The following CADM4 variants were observed in gnomAD, a reference collection of about 807,000 sequenced individuals.
The protein encoded by CADM4 is cell adhesion molecule 4.
Under a neutral mutation model 43.9 loss-of-function variants are expected in CADM4, and 13 were observed. That is an observed-to-expected ratio of 0.30 (90% confidence interval 0.19 to 0.47). The LOEUF (loss-of-function observed/expected upper bound fraction) is 0.47. Among genes scored for constraint, CADM4 ranks in the 20% least tolerant of loss-of-function variants. CADM4 has a pLI of 1.00. For synonymous variants in CADM4, 209 were observed against 220.9 expected (o/e 0.95, Z 0.48); for missense variants, 420 against 527.0 (o/e 0.80, Z 1.99).
At chr19:43,631,896 G>A (rs529055399) in intron 1 of CADM4, among the ~76,000 whole-genome samples, 2 of 152,076 alleles carry the variant, frequency 1.3e-5, no homozygotes, top group South Asian at 4.2e-4. Context: ...TAACGCTTTG[G>A]GTATTTTTAT....
intron 7 of CADM4, chr19:43,624,689 A>G (rs1030546480): frequency 3.7e-6 from 1 of 271,282 alleles, no homozygotes; most frequent in Admixed American, 5.0e-5. Flanking sequence ...CACCTTGTCT[A>G]AAACGCTCCA....
At position 43,625,228 on chromosome 19, in the gene CADM4, G is replaced by C; in HGVS notation, c.778C>G (p.Arg260Gly). Residue 260 changes from arginine to glycine, a missense_variant, in exon 7 of 9, where the codon CGC becomes GGC. Physicochemically the swap from Arg to Gly is moderately radical, Grantham distance 125 (BLOSUM62 -2). Transcript: ENST00000222374. The surrounding 1 kb of genome is among the most constrained non-coding windows in gnomAD (Gnocchi z 4.5). ...CTCTCCGGCAAAGACTCATTCCCGC[G>C]GTTCCAGCGGATCTGGTTTGGCCTG... ...NPRPNQIRWN[R>G]GNESLPERAE... is the part of the protein sequence containing the mutation. The C allele has an allele frequency of 6.2e-7, 1 of 1,614,132 alleles. No individual in the cohort carries two copies. The highest frequency in any genetic ancestry group is 8.5e-7 in the Non-Finnish European group (1 of 1,179,988).
In CADM4 at chr19:43,627,502, A is replaced by ACCAGCAGT; in HGVS notation, c.211+134_211+141dup. 8.3e-7 allele frequency: 1 copy of ACCAGCAGT among 1,206,496 alleles called. No homozygotes were observed. The highest frequency in any genetic ancestry group is 2.9e-4 in the Middle Eastern group (1 of 3,488). The allele number at this position is 1,206,496 out of a possible 1,614,324, so 74.7% of individuals were successfully genotyped here. On this transcript the variant is annotated intron_variant, in intron 2 of 8. Transcript: ENST00000222374. The surrounding 1 kb of genome is among the most constrained non-coding windows in gnomAD (Gnocchi z 4.0). The stretch of plus-strand genomic sequence containing the variant: ...TTATTCAAGTCCTCCTGCCTGCAGG[A>ACCAGCAGT]CCAGCAGTCCGGGACCCCAGCCCTT...
chr19:43,633,465 CTGTT>C lies in CADM4; in HGVS notation c.65-5679_65-5676del, dbSNP rs1372396944. On this transcript the variant is annotated intron_variant, in intron 1 of 8. Transcript: ENST00000222374. ...ATTAATTTGCTTATTTGTTTACTGTCTGTTTGTCACCCATGACTGGAATGTATAC... is the reference window on the plus strand; with the variant it reads ...ATTAATTTGCTTATTTGTTTACTGTCTGTCACCCATGACTGGAATGTATAC... Among the ~76,000 whole-genome samples the C allele has an allele frequency of 5.3e-5, 8 of 152,144 alleles. No individual in the cohort carries two copies. The East Asian group carries it at 5.8e-4, about 11-fold the overall frequency.
intron 1 of CADM4, among the ~76,000 whole-genome samples, chr19:43,639,253 TA>T (rs1471230305): frequency 7.0e-6 from 1 of 142,638 alleles, no homozygotes; most frequent in East Asian, 2.1e-4. Flanking sequence ...GGGACAGAGG[TA>T]GGGGACAAAG....
chr19:43,625,360 A>G lies in CADM4; in HGVS notation c.756-110T>C. On this transcript the variant is annotated intron_variant, in intron 6 of 8. Coordinates refer to ENST00000222374, the MANE Select transcript of CADM4 (RefSeq NM_145296.2). This position sits in a 1 kb window ranked among gnomAD's most constrained non-coding sequence, Gnocchi z 4.5. ...TCTCATCCCGCAGGGACCTCCAAAT[A>G]AGAGGCTTCCTGCTATCTCTTTCCT... 9.3e-7 allele frequency: 1 copy of G among 1,080,096 alleles called. No individual in the cohort carries two copies. Among genetic ancestry groups the G allele is most frequent in the Non-Finnish European group, 1.3e-6 (1 of 766,802 alleles). The allele number at this position is 1,080,096 out of a possible 1,614,324, so 66.9% of individuals were successfully genotyped here. A position where few individuals can be genotyped will look rare whatever the true frequency, so the allele number is the denominator to read the frequency against.
At position 43,625,777 on chromosome 19, in the gene CADM4, A is replaced by G; in HGVS notation, c.755+134T>C. On this transcript the variant is annotated intron_variant, in intron 6 of 8. Transcript: ENST00000222374. The surrounding 1 kb of genome is among the most constrained non-coding windows in gnomAD (Gnocchi z 4.5). ...TCTCCTCCTCAGGACCCAGGAATCCAGGTCCTAGCTCCCTGTTTGTCCAGG... is the reference window on the plus strand; with the variant it reads ...TCTCCTCCTCAGGACCCAGGAATCCGGGTCCTAGCTCCCTGTTTGTCCAGG... 1 of 698,484 alleles carries G rather than the reference A, an allele frequency of 1.4e-6. No homozygotes were observed. Among genetic ancestry groups the G allele is most frequent in the Non-Finnish European group, 2.4e-6 (1 of 413,446 alleles). 43.3% of individuals were successfully genotyped at this position (698,484 alleles called of 1,614,324 possible). A position where few individuals can be genotyped will look rare whatever the true frequency, so the allele number is the denominator to read the frequency against.
chr19:43,627,273 C>T lies in CADM4; in HGVS notation c.257G>A (p.Arg86Gln), dbSNP rs771300851. 7 of 1,610,514 alleles carry T rather than the reference C, an allele frequency of 4.3e-6. No individual in the cohort carries two copies. The highest frequency in any genetic ancestry group is 2.2e-5 in the East Asian group (1 of 44,812). ...GGCATCTGAGAGCCGGATCCGCACC[C>T]GGCGTGGGGAGAACTCCTCAAGCTG... ...RFQLEEFSPR[R>Q]VRIRLSDARL... Residue 86 changes from arginine (R) to glutamine (Q), a missense_variant, in exon 3 of 9, where the codon CGG (arginine) becomes CAG (glutamine). By Grantham distance (43) the Arg-to-Gln change is conservative. Coordinates refer to ENST00000222374, the MANE Select transcript of CADM4 (RefSeq NM_145296.2). The surrounding 1 kb of genome is among the most constrained non-coding windows in gnomAD (Gnocchi z 4.0).
Position 43,623,178 on chromosome 19 carries a change from C to T in CADM4, c.*152G>A. The T allele has an allele frequency of 6.1e-6, 4 of 650,888 alleles. No individual in the cohort carries two copies. In the South Asian group the frequency reaches 6.9e-5, roughly 11 times the overall value. The allele number at this position is 650,888 out of a possible 1,614,324, so 40.3% of individuals were successfully genotyped here. On this transcript the variant is annotated 3_prime_UTR_variant, in exon 9 of 9. Coordinates refer to ENST00000222374, the MANE Select transcript of CADM4 (RefSeq NM_145296.2). The surrounding 1 kb of genome is among the most constrained non-coding windows in gnomAD (Gnocchi z 4.4). ...CTTACAGAGATCCAGGCATCCAACA[C>T]CCCCATCCCTGCCCAAGCGTCTGAG... is the stretch of plus-strand genomic sequence containing the variant.
At chr19:43,635,611 A>G (rs1165948682) in intron 1 of CADM4, among the ~76,000 whole-genome samples, 1 of 151,344 alleles carries the variant, frequency 6.6e-6, no homozygotes, top group Non-Finnish European at 1.5e-5. Flanking sequence ...CTCCTCTCTT[A>G]AACCCAGGGG....
intron 1 of CADM4, among the ~76,000 whole-genome samples, chr19:43,634,845 A>G (rs76416090): frequency 0.018 from 2,734 of 151,136 alleles, 30 homozygotes; most frequent in Non-Finnish European, 0.028. Context: ...CTCCTCCATC[A>G]GGTTCCAGGA....
Position 43,627,088 on chromosome 19 carries a change from G to T in CADM4, c.364+78C>A. ...CATCCAGGATGTTAAAAATAGCCATGGTCTGAAAGTCTCAGGAGAAGAGAG... is the reference window on the plus strand; with the variant it reads ...CATCCAGGATGTTAAAAATAGCCATTGTCTGAAAGTCTCAGGAGAAGAGAG... On this transcript the variant is annotated intron_variant, in intron 3 of 8. Transcript: ENST00000222374. This position sits in a 1 kb window ranked among gnomAD's most constrained non-coding sequence, Gnocchi z 4.0. 1.3e-6 allele frequency: 2 copies of T among 1,500,492 alleles called. No individual in the cohort carries two copies. The highest frequency in any genetic ancestry group is 1.8e-6 in the Non-Finnish European group (2 of 1,117,784). 92.9% of individuals were successfully genotyped at this position (1,500,492 alleles called of 1,614,324 possible). A position where few individuals can be genotyped will look rare whatever the true frequency, so the allele number is the denominator to read the frequency against.
rs1364880232 is a variant in CADM4 at position 43,624,103 on chromosome 19, G to A, written c.1057+11C>T. The stretch of plus-strand genomic sequence containing the variant: ...CAACCAACCGTAGAGTCCAGGCCCC[G>A]TCCCACTCACCCTTCTGCCGTACCG... On this transcript the variant is annotated intron_variant, in intron 8 of 8. Transcript: ENST00000222374. 6.2e-7 allele frequency: 1 copy of A among 1,613,976 alleles called. No homozygotes were observed.
At chr19:43,637,699 G>A (rs1371980549) in intron 1 of CADM4, among the ~76,000 whole-genome samples, 2 of 152,164 alleles carry the variant, frequency 1.3e-5, no homozygotes, top group East Asian at 3.8e-4. Context: ...CACGGGGCGG[G>A]TGGTCACCTT....
chr19:43,627,801 A>G lies in CADM4; in HGVS notation c.65-11T>C. On this transcript the variant is annotated splice_polypyrimidine_tract_variant and intron_variant, in intron 1 of 8. Coordinates refer to ENST00000222374, the MANE Select transcript of CADM4 (RefSeq NM_145296.2). This position sits in a 1 kb window ranked among gnomAD's most constrained non-coding sequence, Gnocchi z 4.0. ...CTTCCTGTCCTGCCCCTGGACGATT[A>G]GACAAAGAGACAGGATAGAAGACTT... 6.2e-7 allele frequency: 1 copy of G among 1,600,860 alleles called. No individual in the cohort carries two copies. Among genetic ancestry groups the G allele is most frequent in the South Asian group, 1.1e-5 (1 of 90,764 alleles).
At chr19:43,630,041 A>G (rs1973594007) in intron 1 of CADM4, among the ~76,000 whole-genome samples, 1 of 151,216 alleles carries the variant, frequency 6.6e-6, no homozygotes, top group Admixed American at 6.6e-5. Flanking sequence ...CAGTAGCTGG[A>G]ACTACAGGTG....
At chr19:43,634,617 G>T (rs1365084048) in intron 1 of CADM4, among the ~76,000 whole-genome samples, 1 of 151,970 alleles carries the variant, frequency 6.6e-6, no homozygotes, top group East Asian at 1.9e-4. Flanking sequence ...GGGTGGTGGG[G>T]GCGGGACTTT....
upstream of CADM4, chr19:43,639,851 G>GCCCGCCCCGCCC: frequency 1.0e-6 from 1 of 975,190 alleles, no homozygotes; most frequent in Non-Finnish European, 1.2e-6. Flanking sequence ...CGCCCGCGCC[G>GCCCGCCCCGCCC]CCCGCCCCGC....
chr19:43,636,458 C>T (rs1257804101), intron 1 of CADM4, among the ~76,000 whole-genome samples: 2 of 152,160 alleles, frequency 1.3e-5, no homozygotes, highest in African/African-American at 4.8e-5. Flanking sequence ...CAGCACCTGC[C>T]CCTTGCCCCA....
Sources: gnomAD v4.1 joint callset for allele counts (sites outside exome capture counted in the v4.1 genomes callset) on GRCh38, gnomAD v4.1.1 for gene constraint, Gnocchi (gnomAD v3.1) non-coding constraint, MANE v1.5 for transcripts, NCBI Gene and HGNC (gene_info 2026-07-23, HGNC 2026-07-21) for gene names.